The following THADA variants were observed in gnomAD, a reference collection of about 807,000 sequenced individuals.
THADA encodes the protein THADA armadillo repeat containing, also known as tRNA (32-2'-O)-methyltransferase regulator THADA.
A neutral mutation model predicts 219.8 loss-of-function variants in THADA; 213 were observed. The observed-to-expected ratio is 0.97, with a 90% CI of 0.87 to 1.09. The LOEUF is 1.09. Ranked by LOEUF, THADA falls within the 50% of genes least tolerant of loss-of-function variation. The probability of loss-of-function intolerance (pLI) is 0.00; values close to 1 mark genes in which losing one functional copy is unlikely to be tolerated. For synonymous variants in THADA, 1,018 were observed against 828.9 expected (o/e 1.23, Z -3.92); for missense variants, 2,956 against 2,311.3 (o/e 1.28, Z -5.72).
chr2:43,252,930 T>C (rs1285011193), intron 36 of THADA, among the ~76,000 whole-genome samples: 2 of 152,242 alleles, frequency 1.3e-5, no homozygotes, highest in Non-Finnish European at 2.9e-5. Flanking sequence ...GACTCCTAAC[T>C]GATCCTCTAT....
intron 8 of THADA, 85 bp from the exon 9 acceptor site, chr2:43,578,692 A>G (rs1351781224): frequency 4.5e-6 from 4 of 888,374 alleles, no homozygotes; most frequent in Non-Finnish European, 6.8e-6. Flanking sequence ...GCAGCCAGAT[A>G]GGCCTGGGTA....
At chr2:43,402,248 A>T (rs1401386055) in intron 28 of THADA, among the ~76,000 whole-genome samples, 3 of 152,210 alleles carry the variant, frequency 2.0e-5, no homozygotes, top group African/African-American at 7.2e-5. Flanking sequence ...GAGGCGATAT[A>T]CAGCCTGCTC....
intron 31 of THADA, among the ~76,000 whole-genome samples, chr2:43,310,690 G>A (rs943333480): frequency 1.9e-4 from 29 of 152,150 alleles, no homozygotes; most frequent in Non-Finnish European, 4.3e-4. Context: ...AATTATTTTA[G>A]ACATGAAATC....
chr2:43,440,587 A>G (rs1022335308), intron 26 of THADA, among the ~76,000 whole-genome samples: 23 of 152,204 alleles, frequency 1.5e-4, no homozygotes, highest in Non-Finnish European at 3.2e-4. Flanking sequence ...GAAGTCACTT[A>G]AAGGTAAATC....
intron 13 of THADA, among the ~76,000 whole-genome samples, 194 bp from the exon 14 acceptor site, chr2:43,570,704 T>C (rs1465171969): frequency 2.0e-5 from 3 of 152,250 alleles, no homozygotes; most frequent in Admixed American, 6.5e-5. Context: ...CAAAGCAGAA[T>C]ACTGTCATTA....
intron 25 of THADA, among the ~76,000 whole-genome samples, chr2:43,493,964 T>G (rs181465356): frequency 1.3e-5 from 2 of 152,312 alleles, no homozygotes; most frequent in Admixed American, 1.3e-4. Context: ...TATAAATTTC[T>G]TTCATGCAGA....
At chr2:43,368,704 A>G (rs550514165) in intron 29 of THADA, among the ~76,000 whole-genome samples, 3 of 152,206 alleles carry the variant, frequency 2.0e-5, no homozygotes, top group African/African-American at 7.2e-5. Flanking sequence ...CTCGGCCCAC[A>G]GCACTTTTTA....
At chr2:43,571,098 A>C (rs1005153126) in intron 13 of THADA, among the ~76,000 whole-genome samples, 4 of 152,128 alleles carry the variant, frequency 2.6e-5, no homozygotes, top group Admixed American at 2.6e-4. Flanking sequence ...TCTAAAAAAA[A>C]ATTAAATATT....
chr2:43,242,482 A>G (rs1417778379), intron 36 of THADA, among the ~76,000 whole-genome samples: 1 of 152,024 alleles, frequency 6.6e-6, no homozygotes, highest in African/African-American at 2.4e-5. Flanking sequence ...TCCAGCACCT[A>G]TATTCTTTTT....
At chr2:43,249,110 G>A (rs1669556435) in intron 36 of THADA, among the ~76,000 whole-genome samples, 1 of 151,716 alleles carries the variant, frequency 6.6e-6, no homozygotes, top group Non-Finnish European at 1.5e-5. Context: ...TTGAGATGGG[G>A]TCTAACTATG....
In THADA at chr2:43,344,166, A is replaced by G. The variant is rs1187554310; in HGVS notation, c.4299T>C (p.Thr1433=). 1.2e-6 allele frequency: 2 copies of G among 1,612,624 alleles called. No individual in the cohort carries two copies. Among genetic ancestry groups the G allele is most frequent in the Admixed American group, 1.7e-5 (1 of 59,890 alleles). Residue 1433 remains threonine (T), a synonymous_variant, in exon 30 of 38, where the codon ACT becomes ACC. Coordinates refer to ENST00000405975, the MANE Select transcript of THADA (RefSeq NM_022065.5). The part of the protein sequence containing the change: ...GTNSDFQHEL[T]DITVCTKAKL... ...TGGCTTTGGTACAAACAGTGATGTC[A>G]GTCAGCTCGTGCTGGAAGTCTGAAT...
chr2:43,500,431 A>G (rs1314836153), intron 24 of THADA, among the ~76,000 whole-genome samples: 1 of 152,234 alleles, frequency 6.6e-6, no homozygotes, highest in African/African-American at 2.4e-5. Flanking sequence ...CATATTTAAA[A>G]AGACAGGACA....
intron 35 of THADA, among the ~76,000 whole-genome samples, chr2:43,281,246 T>C (rs776230226): frequency 1.3e-5 from 2 of 152,326 alleles, no homozygotes; most frequent in African/African-American, 2.4e-5. Context: ...CAGATCTGAT[T>C]TAAATTTTAC....
At chr2:43,253,892 C>A (rs1670054378) in intron 36 of THADA, among the ~76,000 whole-genome samples, 1 of 152,216 alleles carries the variant, frequency 6.6e-6, no homozygotes, top group Middle Eastern at 3.4e-3. Flanking sequence ...GCCTAGCATT[C>A]CAGGTTTTAG....
chr2:43,269,541 G>A (rs929759710), intron 36 of THADA, among the ~76,000 whole-genome samples: 16 of 152,198 alleles, frequency 1.1e-4, no homozygotes, highest in African/African-American at 3.4e-4. Context: ...GCAGGTGAAC[G>A]TCAGGGGGCC....
At chr2:43,299,614 A>C (rs1339555775) in intron 31 of THADA, among the ~76,000 whole-genome samples, 1 of 152,128 alleles carries the variant, frequency 6.6e-6, no homozygotes, top group Non-Finnish European at 1.5e-5. Flanking sequence ...GTGAGCCAAG[A>C]TAGGGCTGCT....
intron 21 of THADA, among the ~76,000 whole-genome samples, chr2:43,534,570 A>G (rs1694312252): frequency 6.6e-6 from 1 of 152,108 alleles, no homozygotes; most frequent in African/African-American, 2.4e-5. Context: ...TGCAGTGCTT[A>G]ATTTTCTGTT....
intron 21 of THADA, among the ~76,000 whole-genome samples, chr2:43,530,870 C>T (rs1693782077): frequency 6.6e-6 from 1 of 152,054 alleles, no homozygotes; most frequent in African/African-American, 2.4e-5. Context: ...TATTCCTGGG[C>T]ACAGAAAACA....
chr2:43,289,716 A>G (rs1453051269), intron 34 of THADA, among the ~76,000 whole-genome samples: 1 of 152,180 alleles, frequency 6.6e-6, no homozygotes, highest in East Asian at 1.9e-4. Context: ...CAGTGAGACA[A>G]TCTCGGCTCA....
Sources: allele counts gnomAD v4.1 joint callset (sites outside exome capture counted in the v4.1 genomes callset), GRCh38; gene constraint gnomAD v4.1.1; transcripts MANE v1.5; gene names NCBI Gene and HGNC (gene_info 2026-07-23, HGNC 2026-07-21).